Variants in MS4A14 observed in about 807,000 individuals in gnomAD.
MS4A14 encodes membrane spanning 4-domains A14, also known as membrane-spanning 4-domains subfamily A member 14.
In MS4A14, 18 loss-of-function variants were observed where a neutral mutation model predicts 16.7. The observed-to-expected ratio is 1.08, with a 90% CI of 0.75 to 1.60. MS4A14 has a LOEUF of 1.60. Among genes scored for constraint, MS4A14 ranks in the 40% most tolerant of loss-of-function variants. The pLI, the probability that MS4A14 is intolerant of heterozygous loss-of-function variation, is 0.00. For synonymous variants in MS4A14, 305 were observed against 289.4 expected (o/e 1.05, Z -0.55); for missense variants, 812 against 775.3 (o/e 1.05, Z -0.56).
At chr11:60,411,141 C>T (rs542364657) in intron 4 of MS4A14, among the ~76,000 whole-genome samples, 3 of 152,258 alleles carry the variant, frequency 2.0e-5, no homozygotes, top group Non-Finnish European at 2.9e-5. Flanking sequence ...CCACTGTGCC[C>T]GGCCCTGTAT....
chr11:60,415,335 C>T lies in MS4A14; in HGVS notation c.469-102C>T, dbSNP rs536759935. On this transcript the variant is annotated intron_variant, in intron 4 of 4. Coordinates refer to ENST00000300187, the MANE Select transcript of MS4A14 (RefSeq NM_032597.5). ...TGCCTTCTCATTTAGATGTTATTTC[C>T]TATCTACTGTCTTAAGTCAGAAATG... The T allele has an allele frequency of 2.2e-5, 28 of 1,260,054 alleles. No individual in the cohort carries two copies. The African/African-American group carries it at 3.5e-4, about 16-fold the overall frequency. 78.1% of individuals were successfully genotyped at this position (1,260,054 alleles called of 1,614,324 possible). A position where few individuals can be genotyped will look rare whatever the true frequency, so the allele number is the denominator to read the frequency against.
At chr11:60,412,179 T>C (rs1192745426) in intron 4 of MS4A14, among the ~76,000 whole-genome samples, 1 of 152,082 alleles carries the variant, frequency 6.6e-6, no homozygotes, top group African/African-American at 2.4e-5. Flanking sequence ...ATAAAGGATA[T>C]TAATCTGTAA....
chr11:60,415,045 G>GA (rs2085918278), intron 4 of MS4A14, among the ~76,000 whole-genome samples: 1 of 151,986 alleles, frequency 6.6e-6, no homozygotes, highest in African/African-American at 2.4e-5. Context: ...CACCTTAAGG[G>GA]AAAATCCCAC....
rs757710975 is a variant in MS4A14, at chr11:60,415,745, C to A, written c.777C>A (p.Pro259=). 6.2e-7 allele frequency: 1 copy of A among 1,613,696 alleles called. No homozygotes were observed. The highest frequency in any genetic ancestry group is 2.2e-5 in the East Asian group (1 of 44,876). ...TGCCTCCCACACTAGAGAAAAAGCC[C>A]TCAGAAAATATGTCCATTCAGCTAG... is the stretch of plus-strand genomic sequence containing the variant. ...EPLPPTLEKK[P]SENMSIQLDS... The change falls in exon 5 of 5, where the codon CCC becomes CCA. Residue 259 remains proline, a synonymous_variant. Transcript: ENST00000300187.
At chr11:60,409,436 G>T (rs1162057758) in intron 4 of MS4A14, among the ~76,000 whole-genome samples, 1 of 151,834 alleles carries the variant, frequency 6.6e-6, no homozygotes, top group African/African-American at 2.4e-5. Context: ...TTCTCAGCCT[G>T]GCTTATTTCA....
At chr11:60,407,275 C>A (rs908207229) in intron 4 of MS4A14, among the ~76,000 whole-genome samples, 5 of 152,186 alleles carry the variant, frequency 3.3e-5, no homozygotes, top group Non-Finnish European at 7.3e-5. Flanking sequence ...CCCACCATGA[C>A]CTTCCAAAGT....
intron 4 of MS4A14, among the ~76,000 whole-genome samples, chr11:60,411,822 G>T (rs2085874058): frequency 6.6e-6 from 1 of 152,140 alleles, no homozygotes; most frequent in Non-Finnish European, 1.5e-5. Context: ...AGCAGTGAAA[G>T]AAAGCATTCT....
chr11:60,409,944 G>A (rs1243377937), intron 4 of MS4A14, among the ~76,000 whole-genome samples: 2 of 152,026 alleles, frequency 1.3e-5, no homozygotes, highest in Non-Finnish European at 1.5e-5. Context: ...AAACTCCTGG[G>A]CTTAAATGAT....
intron 4 of MS4A14, among the ~76,000 whole-genome samples, chr11:60,405,643 A>G (rs985144601): frequency 6.6e-6 from 1 of 152,040 alleles, no homozygotes; most frequent in East Asian, 1.9e-4. Context: ...TATGAATACT[A>G]TTACTCTCTA....
rs777645134 is a variant in MS4A14, at chr11:60,396,644, A to G, written c.66A>G (p.Val22=). The G allele has an allele frequency of 1.2e-6, 2 of 1,614,010 alleles. No individual in the cohort carries two copies. Among genetic ancestry groups the G allele is most frequent in the African/African-American group, 1.3e-5 (1 of 75,036 alleles). The change falls in exon 1 of 5, where the codon GTA becomes GTG. Residue 22 remains valine, a synonymous_variant. Transcript: ENST00000300187. ...HVITIKPNET[V]LTAFPYRPHS... The stretch of plus-strand genomic sequence containing the variant: ...TCACTATAAAACCAAACGAAACTGT[A>G]TTGACTGCATTTCCCTACAGACCTC...
rs1183098410 is a variant in MS4A14 at position 60,416,948 on chromosome 11, T to A, written c.1980T>A (p.Asn660Lys). The A allele has an allele frequency of 1.2e-6, 2 of 1,613,606 alleles. No homozygotes were observed. Among genetic ancestry groups the A allele is most frequent in the African/African-American group, 2.7e-5 (2 of 74,970 alleles). The change falls in exon 5 of 5, where the codon AAT (asparagine) becomes AAA (lysine). Residue 660 changes from asparagine to lysine, a missense_variant. By Grantham distance (94) the Asn-to-Lys change is moderately conservative (BLOSUM62 0). Coordinates refer to ENST00000300187, the MANE Select transcript of MS4A14 (RefSeq NM_032597.5). ...QYQFWQFHKG[N>K]LQAGQPRTVN... The stretch of plus-strand genomic sequence containing the variant: ...AATTCTGGCAATTCCACAAAGGCAA[T>A]CTCCAGGCTGGACAACCCAGGACTG...
At chr11:60,396,889 G>A (rs1286087408) in intron 1 of MS4A14, among the ~76,000 whole-genome samples, 173 bp downstream of exon 1, 1 of 152,160 alleles carries the variant, frequency 6.6e-6, no homozygotes, top group Non-Finnish European at 1.5e-5. Flanking sequence ...AGCAGAGGGG[G>A]AAGCAAGAAA....
intron 4 of MS4A14, among the ~76,000 whole-genome samples, chr11:60,411,570 T>C (rs573289821): frequency 1.3e-5 from 2 of 152,298 alleles, no homozygotes; most frequent in African/African-American, 4.8e-5. Context: ...ATATTGTTTA[T>C]TGCTGTTATA....
intron 4 of MS4A14, among the ~76,000 whole-genome samples, chr11:60,410,729 T>C (rs1185961186): frequency 6.6e-6 from 1 of 152,240 alleles, no homozygotes. Context: ...GTGTCTATGT[T>C]GAAAATTGAT....
chr11:60,415,778 A>G lies in MS4A14; in HGVS notation c.810A>G (p.Thr270=). The G allele has an allele frequency of 6.2e-7, 1 of 1,613,916 alleles. No homozygotes were observed. Among genetic ancestry groups the G allele is most frequent in the South Asian group, 1.1e-5 (1 of 91,066 alleles). ...SENMSIQLDS[T]FKQMKDEDLQ... ...ATATGTCCATTCAGCTAGACTCTAC[A>G]TTTAAACAAATGAAAGATGAAGATC... Residue 270 remains threonine, a synonymous_variant, in exon 5 of 5, where the codon ACA becomes ACG. Coordinates refer to ENST00000300187, the MANE Select transcript of MS4A14 (RefSeq NM_032597.5).
chr11:60,415,152 T>C (rs748009919), intron 4 of MS4A14, among the ~76,000 whole-genome samples: 12 of 152,110 alleles, frequency 7.9e-5, no homozygotes, highest in Admixed American at 2.0e-4. Context: ...CTAGATGATA[T>C]AAAATGTCTC....
At chr11:60,404,614 C>T (rs10750937) in intron 4 of MS4A14, 285,539 of 456,388 alleles carry the variant, frequency 0.63, 90,681 homozygotes, top group Middle Eastern at 0.75. Flanking sequence ...CAAGTATCCA[C>T]GGCCCCAAGA....
At chr11:60,409,711 A>G (rs2085840248) in intron 4 of MS4A14, among the ~76,000 whole-genome samples, 1 of 151,390 alleles carries the variant, frequency 6.6e-6, no homozygotes. Context: ...AACTGTCTTC[A>G]TTTCCTTTGA....
At chr11:60,415,398 A>C in intron 4 of MS4A14, 39 bp from the exon 5 acceptor site, 1 of 1,533,266 alleles carries the variant, frequency 6.5e-7, no homozygotes, top group Non-Finnish European at 8.7e-7. Context: ...ATCAGACATG[A>C]TTCTGTCATA....
Sources: gnomAD v4.1 joint callset for allele counts (sites outside exome capture counted in the v4.1 genomes callset) on GRCh38, gnomAD v4.1.1 for gene constraint, MANE v1.5 for transcripts, NCBI Gene and HGNC (gene_info 2026-07-23, HGNC 2026-07-21) for gene names.